Variants in RBFOX3 observed in about 807,000 individuals in gnomAD.
RBFOX3 encodes RNA binding protein fox-1 homolog 3.
Under a neutral mutation model 48.7 loss-of-function variants are expected in RBFOX3, and 17 were observed. The observed-to-expected ratio is 0.35, with a 90% CI of 0.24 to 0.52. RBFOX3 has a LOEUF of 0.52. Among genes scored for constraint, RBFOX3 ranks in the 20% least tolerant of loss-of-function variants. The pLI, the probability that RBFOX3 is intolerant of heterozygous loss-of-function variation, is 0.94. For synonymous variants in RBFOX3, 212 were observed against 209.5 expected (o/e 1.01, Z -0.10); for missense variants, 382 against 497.5 (o/e 0.77, Z 2.21).
At chr17:79,259,994 G>A (rs186117714) in intron 3 of RBFOX3, among the ~76,000 whole-genome samples, 3 of 152,118 alleles carry the variant, frequency 2.0e-5, no homozygotes, top group East Asian at 1.9e-4. Flanking sequence ...CTTCCTGGCC[G>A]CTGACTTTCC....
intron 14 of RBFOX3, chr17:79,092,472 C>T (rs1288926045): frequency 2.0e-6 from 2 of 985,718 alleles, no homozygotes; most frequent in East Asian, 1.1e-4. Context: ...TGCAGGGGGC[C>T]AGCCGTGCGT....
At chr17:79,286,997 A>C (rs1289295228) in intron 3 of RBFOX3, among the ~76,000 whole-genome samples, 2 of 152,250 alleles carry the variant, frequency 1.3e-5, no homozygotes, top group South Asian at 2.1e-4. Context: ...GCATGAAGCC[A>C]GGCACAGTTC....
chr17:79,644,713 T>A, the RBFOX3 span, among the ~76,000 whole-genome samples: 1 of 152,208 alleles, frequency 6.6e-6, no homozygotes, highest in Admixed American at 6.5e-5. Flanking sequence ...AAATTAAATA[T>A]CTCAGGAAGA....
At chr17:79,478,286 C>G (rs1354599216) in intron 2 of RBFOX3, among the ~76,000 whole-genome samples, 4 of 152,200 alleles carry the variant, frequency 2.6e-5, no homozygotes, top group African/African-American at 9.6e-5. Context: ...TGTTGCCGCT[C>G]ATGGGTGCGT....
chr17:79,645,933 A>G, the RBFOX3 span, among the ~76,000 whole-genome samples: 5 of 152,306 alleles, frequency 3.3e-5, no homozygotes, highest in East Asian at 7.7e-4. Flanking sequence ...GACATCCTTG[A>G]TTTAGATGGA....
At chr17:79,149,844 C>G (rs2043928378) in intron 4 of RBFOX3, among the ~76,000 whole-genome samples, 1 of 150,446 alleles carries the variant, frequency 6.6e-6, no homozygotes, top group Non-Finnish European at 1.5e-5. Context: ...GGTGAGGGGA[C>G]AGAGATGGCT....
At chr17:79,266,427 G>A (rs78272745) in intron 3 of RBFOX3, among the ~76,000 whole-genome samples, 10,618 of 152,228 alleles carry the variant, frequency 0.07, 433 homozygotes, top group South Asian at 0.12. Flanking sequence ...TGTTGGGACT[G>A]TTCCTTTTCT....
chr17:79,563,856 C>G (rs897740042), intron 1 of RBFOX3, among the ~76,000 whole-genome samples: 2 of 152,144 alleles, frequency 1.3e-5, no homozygotes, highest in African/African-American at 2.4e-5. Flanking sequence ...TTGGGTAAAC[C>G]AGAGGATGGA....
At chr17:79,415,885 C>T (rs1415383261) in intron 2 of RBFOX3, among the ~76,000 whole-genome samples, 1 of 152,084 alleles carries the variant, frequency 6.6e-6, no homozygotes, top group Non-Finnish European at 1.5e-5. Flanking sequence ...GCCGCAGACC[C>T]CAGGGGAGCC....
intron 4 of RBFOX3, among the ~76,000 whole-genome samples, chr17:79,135,515 G>A (rs2039988712): frequency 6.6e-6 from 1 of 152,166 alleles, no homozygotes. Context: ...AAGAGCAAAA[G>A]CAGGGCTTCC....
intron 4 of RBFOX3, among the ~76,000 whole-genome samples, chr17:79,121,325 A>G (rs1205381151): frequency 1.3e-5 from 2 of 152,154 alleles, no homozygotes; most frequent in African/African-American, 4.8e-5. Context: ...GCACCCTGAC[A>G]GGCTGCAGTC....
chr17:79,300,116 C>T (rs1159332609), intron 3 of RBFOX3, among the ~76,000 whole-genome samples: 1 of 152,180 alleles, frequency 6.6e-6, no homozygotes, highest in Non-Finnish European at 1.5e-5. Flanking sequence ...GTTGGCCAGG[C>T]TGGTCTCAAA....
Position 79,398,341 on chromosome 17 carries a change from G to A in RBFOX3, c.-175+84113C>T, listed in dbSNP as rs924625816. 2.6e-5 allele frequency among the ~76,000 whole-genome samples: 4 copies of A among 152,296 alleles called. No homozygotes were observed. The East Asian group carries it at 7.7e-4, about 29-fold the overall frequency. On this transcript the variant is annotated intron_variant, in intron 2 of 14. Transcript: ENST00000693108. Reference sequence around the variant, plus strand: ...ATTTGCACCACGGTTTCAGAAAAGTGGGAAAGGGTGAAGGTGTCCCGTCAC... The same window carrying A: ...ATTTGCACCACGGTTTCAGAAAAGTAGGAAAGGGTGAAGGTGTCCCGTCAC...
rs1280499279 is a variant in RBFOX3, at chr17:79,418,751, G to A, written c.-175+63703C>T. 6.6e-6 allele frequency among the ~76,000 whole-genome samples: 1 copy of A among 152,086 alleles called. No homozygotes were observed. Among genetic ancestry groups the A allele is most frequent in the Non-Finnish European group, 1.5e-5 (1 of 68,018 alleles). ...CTTAGACTTGCTGCTTGAGAAGGAG[G>A]TTTGGGAGAGGAATTCCTTCCCAAA... On this transcript the variant is annotated intron_variant, in intron 2 of 14. Coordinates refer to ENST00000693108, the MANE Select transcript of RBFOX3 (RefSeq NM_001350451.2). This position sits in a 1 kb window ranked among gnomAD's most constrained non-coding sequence, Gnocchi z 5.0.
chr17:79,364,239 C>A lies in RBFOX3; in HGVS notation c.-174-56415G>T, dbSNP rs939857189. 6.6e-6 allele frequency among the ~76,000 whole-genome samples: 1 copy of A among 152,220 alleles called. No homozygotes were observed. The highest frequency in any genetic ancestry group is 2.4e-5 in the African/African-American group (1 of 41,460). On this transcript the variant is annotated intron_variant, in intron 2 of 14. Coordinates refer to ENST00000693108, the MANE Select transcript of RBFOX3 (RefSeq NM_001350451.2). The surrounding 1 kb of genome is among the most constrained non-coding windows in gnomAD (Gnocchi z 5.1). ...CAGAGTAGGTCTGGCACAAAGTGAGCAGAGATGGTAGCCATCAGTTGACAG... is the reference window on the plus strand; with the variant it reads ...CAGAGTAGGTCTGGCACAAAGTGAGAAGAGATGGTAGCCATCAGTTGACAG...
In RBFOX3 at chr17:79,397,334, A is replaced by C. The variant is rs143566903; in HGVS notation, c.-175+85120T>G. Reference sequence around the variant, plus strand: ...TGTCTCTCCTAAAAATAAAAAATTTAAAAAAAAAATTAGCTGGGCCTGGTG... The same window carrying C: ...TGTCTCTCCTAAAAATAAAAAATTTCAAAAAAAAATTAGCTGGGCCTGGTG... On this transcript the variant is annotated intron_variant, in intron 2 of 14. Transcript: ENST00000693108. 6.1e-3 allele frequency among the ~76,000 whole-genome samples: 919 copies of C among 150,352 alleles called. 12 individuals carry two copies. The highest frequency in any genetic ancestry group is 0.022 in the African/African-American group (881 of 40,668).
intron 2 of RBFOX3, among the ~76,000 whole-genome samples, chr17:79,321,361 G>A (rs1439624685): frequency 1.3e-5 from 2 of 152,216 alleles, no homozygotes; most frequent in African/African-American, 2.4e-5. Flanking sequence ...AGGACGTAGA[G>A]AGGCTATGGC....
At chr17:79,241,392 T>A (rs2062352676) in intron 3 of RBFOX3, among the ~76,000 whole-genome samples, 1 of 152,122 alleles carries the variant, frequency 6.6e-6, no homozygotes, top group African/African-American at 2.4e-5. Flanking sequence ...ATTCCATCAT[T>A]TTGGGACATC....
At chr17:79,495,333 T>G (rs1224021894) in intron 1 of RBFOX3, among the ~76,000 whole-genome samples, 1 of 4,724 alleles carries the variant, frequency 2.1e-4, no homozygotes, top group Admixed American at 2.6e-3. Context: ...AGTTGGGGGG[T>G]GCAGGGGGCT....
Sources: gnomAD v4.1 joint callset for allele counts (sites outside exome capture counted in the v4.1 genomes callset) on GRCh38, gnomAD v4.1.1 for gene constraint, Gnocchi (gnomAD v3.1) non-coding constraint, MANE v1.5 for transcripts, NCBI Gene and HGNC (gene_info 2026-07-23, HGNC 2026-07-21) for gene names.